Variants in HEPHL1 observed in about 807,000 individuals in gnomAD.
HEPHL1 encodes ferroxidase HEPHL1.
In HEPHL1, 123 loss-of-function variants were observed where a neutral mutation model predicts 122.0. The ratio of observed to expected loss-of-function variants is 1.01; its 90% CI spans 0.87 to 1.17. HEPHL1 has a LOEUF of 1.17. Among genes scored for constraint, HEPHL1 ranks in the 50% most tolerant of loss-of-function variants. The probability of loss-of-function intolerance (pLI) is 0.00; values close to 1 mark genes in which losing one functional copy is unlikely to be tolerated. For missense variants in HEPHL1, 1,452 were observed against 1,430.5 expected (o/e 1.01, Z -0.24); for synonymous variants, 527 against 508.9 (o/e 1.04, Z -0.48).
chr11:94,064,990 A>T (rs1359154578), intron 4 of HEPHL1, among the ~76,000 whole-genome samples: 1 of 152,224 alleles, frequency 6.6e-6, no homozygotes, highest in East Asian at 1.9e-4. Context: ...TGAATTCATT[A>T]TATTTCCCAG....
intron 14 of HEPHL1, 62 bp downstream of exon 14, chr11:94,101,397 G>A (rs1946366439): frequency 1.3e-6 from 2 of 1,535,634 alleles, no homozygotes; most frequent in African/African-American, 1.4e-5. Context: ...CTCTTTTCTG[G>A]TCTCAGAGGT....
intron 1 of HEPHL1, among the ~76,000 whole-genome samples, chr11:94,032,650 G>A (rs917894961): frequency 9.2e-5 from 14 of 152,100 alleles, no homozygotes; most frequent in Non-Finnish European, 1.6e-4. Context: ...AGAGGGGTCC[G>A]CCTGACCAGG....
chr11:94,037,814 TCTC>T (rs1297974034), intron 1 of HEPHL1, among the ~76,000 whole-genome samples: 1 of 151,686 alleles, frequency 6.6e-6, no homozygotes, highest in Non-Finnish European at 1.5e-5. Flanking sequence ...GCAGAGCGCC[TCTC>T]CTCCTCCAAA....
intron 1 of HEPHL1, among the ~76,000 whole-genome samples, chr11:94,034,810 G>A (rs1945706904): frequency 6.6e-6 from 1 of 152,204 alleles, no homozygotes; most frequent in Non-Finnish European, 1.5e-5. Context: ...CAGGCATGAA[G>A]TTAAACAGAG....
chr11:94,107,923 C>A (rs1406120532), intron 17 of HEPHL1, among the ~76,000 whole-genome samples: 1 of 152,150 alleles, frequency 6.6e-6, no homozygotes, highest in South Asian at 2.1e-4. Context: ...GATTGCTAAG[C>A]CATGTGATAA....
intron 11 of HEPHL1, 121 bp downstream of exon 11, chr11:94,086,310 T>G (rs1324666666): frequency 2.9e-6 from 2 of 696,954 alleles, no homozygotes; most frequent in Non-Finnish European, 4.9e-6. Context: ...GAAATAGATA[T>G]AGTCTTGATT....
chr11:94,052,437 C>G lies in HEPHL1; in HGVS notation c.415+6520C>G, dbSNP rs142843319. Among the ~76,000 whole-genome samples the G allele has an allele frequency of 7.6e-3, 1,151 of 151,760 alleles. 20 individuals carry two copies. Among genetic ancestry groups the G allele is most frequent in the African/African-American group, 0.027 (1,113 of 41,230 alleles). ...TTCAGATTATTCACTGTTGGCATATCGAAATGCTACTGATTTTGTATGTTG... is the reference window on the plus strand; with the variant it reads ...TTCAGATTATTCACTGTTGGCATATGGAAATGCTACTGATTTTGTATGTTG... On this transcript the variant is annotated intron_variant, in intron 2 of 19. Transcript: ENST00000315765.
At chr11:94,045,979 G>T in intron 2 of HEPHL1, 62 bp downstream of exon 2, 1 of 1,466,474 alleles carries the variant, frequency 6.8e-7, no homozygotes. Flanking sequence ...GTAACTGTCA[G>T]AGTTAAAGAG....
At chr11:94,079,753 C>T (rs1485074795) in intron 9 of HEPHL1, among the ~76,000 whole-genome samples, 4 of 152,024 alleles carry the variant, frequency 2.6e-5, no homozygotes, top group Admixed American at 6.6e-5. Flanking sequence ...AGGCAGGAAC[C>T]GGAATACCAT....
intron 2 of HEPHL1, among the ~76,000 whole-genome samples, chr11:94,046,556 A>C (rs1362725318): frequency 2.7e-5 from 4 of 146,790 alleles, no homozygotes. Flanking sequence ...ACACTAGATA[A>C]AGGGCAACAT....
At chr11:94,058,715 A>G (rs953873871) in intron 2 of HEPHL1, among the ~76,000 whole-genome samples, 1 of 151,970 alleles carries the variant, frequency 6.6e-6, no homozygotes, top group Admixed American at 6.6e-5. Flanking sequence ...TTGTTTTTTA[A>G]ATTTTATTTT....
chr11:94,088,841 G>C lies in HEPHL1; in HGVS notation c.2167G>C (p.Asp723His). 1 of 1,614,012 alleles carries C rather than the reference G, an allele frequency of 6.2e-7. No homozygotes were observed. Among genetic ancestry groups the C allele is most frequent in the Non-Finnish European group, 8.5e-7 (1 of 1,179,890 alleles). ...IYEVSSCDNRDPSEQRYGMIR... is the reference protein window; with the variant it reads ...IYEVSSCDNRHPSEQRYGMIR... Reference sequence around the variant, plus strand: ...TGAGGTCAGCAGCTGTGACAACAGGGACCCTTCTGAGCAGCGGTACGGGAT... The same window carrying C: ...TGAGGTCAGCAGCTGTGACAACAGGCACCCTTCTGAGCAGCGGTACGGGAT... Residue 723 changes from aspartate to histidine, a missense_variant, in exon 12 of 20, where the codon GAC (aspartate) becomes CAC (histidine). Transcript: ENST00000315765.
At position 94,067,479 on chromosome 11, in the gene HEPHL1, C is replaced by G. The variant is rs369964780; in HGVS notation, c.809-17C>G. The G allele has an allele frequency of 5.0e-6, 8 of 1,610,174 alleles. No homozygotes were observed. Among genetic ancestry groups the G allele is most frequent in the East Asian group, 2.2e-5 (1 of 44,786 alleles). ...TCTGCAGGGGAGTCTCTTCCACTAG[C>G]GTGTTTCTGTTTCCAGCCCTCAATG... On this transcript the variant is annotated splice_polypyrimidine_tract_variant and intron_variant, in intron 4 of 19. Coordinates refer to ENST00000315765, the MANE Select transcript of HEPHL1 (RefSeq NM_001098672.2).
At chr11:94,095,008 G>A (rs547420839) in intron 13 of HEPHL1, among the ~76,000 whole-genome samples, 35 of 152,098 alleles carry the variant, frequency 2.3e-4, no homozygotes, top group African/African-American at 5.1e-4. Flanking sequence ...AATTAGATAC[G>A]ATTTGTCAAT....
At position 94,113,462 on chromosome 11, in the gene HEPHL1, T is replaced by G. The variant is rs936959708; in HGVS notation, c.*1568T>G. 1 of 152,256 alleles carries G rather than the reference T, an allele frequency of 6.6e-6. No homozygotes were observed. The highest frequency in any genetic ancestry group is 6.5e-5 in the Admixed American group (1 of 15,284). 9.4% of individuals were successfully genotyped at this position (152,256 alleles called of 1,614,324 possible). A position where few individuals can be genotyped will look rare whatever the true frequency, so the allele number is the denominator to read the frequency against. ...AAGGGGATGCAAATGCTAATAGTTCTGTTCATAGTTTGCTTGAATGTCATA... is the reference window on the plus strand; with the variant it reads ...AAGGGGATGCAAATGCTAATAGTTCGGTTCATAGTTTGCTTGAATGTCATA... On this transcript the variant is annotated 3_prime_UTR_variant, in exon 20 of 20. Transcript: ENST00000315765.
At chr11:94,078,357 C>T (rs1210731497) in intron 9 of HEPHL1, among the ~76,000 whole-genome samples, 1 of 150,612 alleles carries the variant, frequency 6.6e-6, no homozygotes, top group African/African-American at 2.4e-5. Flanking sequence ...ACCTTTCTTC[C>T]CTGCTGCTGT....
intron 1 of HEPHL1, among the ~76,000 whole-genome samples, chr11:94,028,261 G>A (rs943329918): frequency 2.0e-5 from 3 of 152,090 alleles, no homozygotes; most frequent in Non-Finnish European, 2.9e-5. Flanking sequence ...AATACATCTT[G>A]GCCCCAGTTT....
At chr11:94,032,443 C>T (rs1222640051) in intron 1 of HEPHL1, among the ~76,000 whole-genome samples, 1 of 152,174 alleles carries the variant, frequency 6.6e-6, no homozygotes, top group Non-Finnish European at 1.5e-5. Context: ...ACTTTTAAAC[C>T]TTGCTGCGCT....
chr11:94,022,024 CCTG>C (rs1481946544), intron 1 of HEPHL1, among the ~76,000 whole-genome samples: 7 of 152,164 alleles, frequency 4.6e-5, no homozygotes, highest in Non-Finnish European at 1.0e-4. Context: ...AGGAGATTTG[CCTG>C]CTATTTTCAG....
Sources: allele counts gnomAD v4.1 joint callset (sites outside exome capture counted in the v4.1 genomes callset), GRCh38; gene constraint gnomAD v4.1.1; transcripts MANE v1.5; gene names NCBI Gene and HGNC (gene_info 2026-07-23, HGNC 2026-07-21).